Variants in STT3B observed in about 807,000 individuals in gnomAD.
STT3B encodes dolichyl-diphosphooligosaccharide--protein glycosyltransferase subunit STT3B.
Under a neutral mutation model 96.8 loss-of-function variants are expected in STT3B, and 29 were observed. The observed-to-expected ratio is 0.30, with a 90% CI of 0.22 to 0.41. STT3B has a LOEUF of 0.41. STT3B is among the 10% of genes least tolerant of loss of function. The pLI, the probability that STT3B is intolerant of heterozygous loss-of-function variation, is 1.00. For missense variants in STT3B, 640 were observed against 1,022.3 expected, an observed-to-expected ratio of 0.63 and a Z score of 5.10; for synonymous variants, 367 against 360.0, an observed-to-expected ratio of 1.02 and a Z score of -0.22.
intron 3 of STT3B, among the ~76,000 whole-genome samples, chr3:31,595,130 C>G (rs541886375): frequency 6.6e-6 from 1 of 152,196 alleles, no homozygotes; most frequent in Non-Finnish European, 1.5e-5. Context: ...TTCTTGGCCT[C>G]TCTGTGCAGC....
chr3:31,583,098 G>A (rs761706273), intron 3 of STT3B, among the ~76,000 whole-genome samples: 5 of 152,006 alleles, frequency 3.3e-5, no homozygotes, highest in South Asian at 2.1e-4. Flanking sequence ...CTCCTGTCTG[G>A]TTGTTCTATC....
At chr3:31,604,931 C>T (rs1699013913) in intron 5 of STT3B, among the ~76,000 whole-genome samples, 2 of 152,112 alleles carry the variant, frequency 1.3e-5, no homozygotes, top group Admixed American at 6.5e-5. Context: ...CCTTTGATGT[C>T]CTTAGGCCTT....
At chr3:31,573,209 G>C (rs536362000) in intron 1 of STT3B, among the ~76,000 whole-genome samples, 45 of 152,248 alleles carry the variant, frequency 3.0e-4, no homozygotes, top group African/African-American at 1.1e-3. Flanking sequence ...AGACTGTGTG[G>C]TTTTGACCAT....
intron 1 of STT3B, among the ~76,000 whole-genome samples, chr3:31,534,045 C>G (rs1319459783): frequency 6.6e-6 from 1 of 152,190 alleles, no homozygotes; most frequent in Non-Finnish European, 1.5e-5. Flanking sequence ...TAAGTGCACT[C>G]AGCACCTTAC....
intron 6 of STT3B, among the ~76,000 whole-genome samples, chr3:31,615,432 A>G (rs965660989): frequency 6.6e-6 from 1 of 151,890 alleles, no homozygotes; most frequent in African/African-American, 2.4e-5. Context: ...TAACATCTGT[A>G]CACTGATACT....
chr3:31,602,244 A>C (rs1012167751), intron 5 of STT3B, among the ~76,000 whole-genome samples: 3 of 152,136 alleles, frequency 2.0e-5, no homozygotes, highest in Non-Finnish European at 4.4e-5. Flanking sequence ...TCTCTACCCC[A>C]AAAACACTAT....
At chr3:31,591,520 C>A (rs114811728) in intron 3 of STT3B, among the ~76,000 whole-genome samples, 1,750 of 152,076 alleles carry the variant, frequency 0.012, 28 homozygotes, top group African/African-American at 0.04. Flanking sequence ...GATTGTTTAG[C>A]CTGTTATTGC....
At position 31,615,143 on chromosome 3, in the gene STT3B, A is replaced by G. The variant is rs1169058192; in HGVS notation, c.916A>G (p.Met306Val). Residue 306 changes from methionine (M) to valine (V), a missense_variant, in exon 6 of 16, where the codon ATG becomes GTG. This residue lies in a region of STT3B where 267 missense variants were observed against 388.3 expected (regional missense o/e 0.69). Transcript: ENST00000295770. ...TFYIVGLILS[M>V]QIPFVGFQPI... is the part of the protein sequence containing the mutation. The stretch of plus-strand genomic sequence containing the variant: ...CTACATTGTGGGTTTAATATTATCA[A>G]TGCAGATACCTTTTGTGGGATTCCA... 1.2e-6 allele frequency: 2 copies of G among 1,611,342 alleles called. No homozygotes were observed. The highest frequency in any genetic ancestry group is 8.5e-7 in the Non-Finnish European group (1 of 1,178,040).
intron 5 of STT3B, among the ~76,000 whole-genome samples, chr3:31,610,053 G>A (rs910266037): frequency 6.6e-6 from 1 of 152,182 alleles, no homozygotes; most frequent in Admixed American, 6.5e-5. Flanking sequence ...ATGTATGCCT[G>A]TTAAGTTAAT....
At chr3:31,634,981 G>A (rs546405400) in intron 15 of STT3B, among the ~76,000 whole-genome samples, 31 of 152,262 alleles carry the variant, frequency 2.0e-4, no homozygotes, top group African/African-American at 7.5e-4. Context: ...CCTTAAGAAG[G>A]ATTGCATTTT....
intron 1 of STT3B, among the ~76,000 whole-genome samples, chr3:31,575,347 G>T (rs537260150): frequency 4.6e-5 from 7 of 151,496 alleles, no homozygotes; most frequent in Admixed American, 4.6e-4. Flanking sequence ...TATAACTCTG[G>T]GTTATATTAA....
intron 5 of STT3B, among the ~76,000 whole-genome samples, chr3:31,602,092 C>G (rs981901995): frequency 3.9e-5 from 6 of 152,030 alleles, no homozygotes; most frequent in Admixed American, 6.6e-5. Context: ...CCACTGCACT[C>G]CAGCCTGGGT....
At position 31,626,140 on chromosome 3, in the gene STT3B, A is replaced by G. The variant is rs540293837; in HGVS notation, c.2073+13A>G. On this transcript the variant is annotated intron_variant, in intron 13 of 15. Coordinates refer to ENST00000295770, the MANE Select transcript of STT3B (RefSeq NM_178862.3). ...CAAAGACATTCGGGTAAGAAACTAGATAATTCCAGGTATGTGAAAGATAGC... is the reference window on the plus strand; with the variant it reads ...CAAAGACATTCGGGTAAGAAACTAGGTAATTCCAGGTATGTGAAAGATAGC... The G allele has an allele frequency of 4.7e-5, 75 of 1,608,962 alleles. No homozygotes were observed. Among genetic ancestry groups the G allele is most frequent in the Non-Finnish European group, 5.8e-5 (68 of 1,176,982 alleles).
chr3:31,574,327 C>T (rs891835928), intron 1 of STT3B, among the ~76,000 whole-genome samples: 8 of 151,960 alleles, frequency 5.3e-5, no homozygotes, highest in Non-Finnish European at 1.2e-4. Flanking sequence ...GTGTTTGGAT[C>T]TTGTTTTCAA....
intron 1 of STT3B, 30 bp from the exon 2 acceptor site, chr3:31,576,366 A>G: frequency 1.5e-6 from 2 of 1,357,496 alleles, no homozygotes; most frequent in East Asian, 2.3e-5. Flanking sequence ...AAGCAGTTTT[A>G]TAACATTTCT....
rs1435492997 is a variant in STT3B at position 31,535,142 on chromosome 3, G to T, written c.314+1830G>T. Among the ~76,000 whole-genome samples the T allele has an allele frequency of 2.0e-5, 3 of 152,102 alleles. No individual in the cohort carries two copies. The East Asian group carries it at 5.8e-4, about 29-fold the overall frequency. On this transcript the variant is annotated intron_variant, in intron 1 of 15. Coordinates refer to ENST00000295770, the MANE Select transcript of STT3B (RefSeq NM_178862.3). ...ATGGAAGGCTAACGACTGTTTAATA[G>T]TAACTCTGGGGCTGAAATTAAAGAT... is the stretch of plus-strand genomic sequence containing the variant.
intron 3 of STT3B, among the ~76,000 whole-genome samples, chr3:31,590,709 C>T (rs1209077643): frequency 2.0e-5 from 3 of 151,922 alleles, no homozygotes; most frequent in Non-Finnish European, 2.9e-5. Flanking sequence ...AAGTATGGCC[C>T]ATATGTAGGT....
At chr3:31,539,708 G>A (rs1697214509) in intron 1 of STT3B, among the ~76,000 whole-genome samples, 2 of 152,266 alleles carry the variant, frequency 1.3e-5, no homozygotes, top group South Asian at 4.1e-4. Context: ...TGAGTTGATG[G>A]TTAAGACTTT....
intron 4 of STT3B, among the ~76,000 whole-genome samples, chr3:31,597,976 C>T (rs1322738853): frequency 1.3e-5 from 2 of 151,800 alleles, no homozygotes; most frequent in African/African-American, 4.8e-5. Context: ...GCTGAGATTG[C>T]AGATGTGTGC....
Sources: gnomAD v4.1 joint callset for allele counts (sites outside exome capture counted in the v4.1 genomes callset) on GRCh38, gnomAD v4.1.1 for gene constraint, gnomAD v4.1.1 regional missense constraint, MANE v1.5 for transcripts, NCBI Gene and HGNC (gene_info 2026-07-23, HGNC 2026-07-21) for gene names.